CWC27: variants seen among roughly 807,000 people sequenced by gnomAD.
CWC27 encodes the protein spliceosome-associated protein CWC27 homolog.
A neutral mutation model predicts 63.6 loss-of-function variants in CWC27; 47 were observed. That is an observed-to-expected ratio of 0.74 (90% CI 0.58 to 0.94). The LOEUF is 0.94. Among genes scored for constraint, CWC27 ranks in the 40% least tolerant of loss-of-function variants. The probability of loss-of-function intolerance (pLI) is 0.00; values close to 1 mark genes in which losing one functional copy is unlikely to be tolerated. For missense variants in CWC27, 495 were observed against 554.3 expected, an observed-to-expected ratio of 0.89 and a Z score of 1.07; for synonymous variants, 175 against 179.8, an observed-to-expected ratio of 0.97 and a Z score of 0.22.
At chr5:64,877,060 T>C (rs1746810339) in intron 10 of CWC27, among the ~76,000 whole-genome samples, 1 of 152,014 alleles carries the variant, frequency 6.6e-6, no homozygotes, top group African/African-American at 2.4e-5. Context: ...ATCCCTCTAC[T>C]GGATATTATT....
chr5:64,774,447 A>G (rs1314191006), intron 1 of CWC27, among the ~76,000 whole-genome samples: 1 of 152,232 alleles, frequency 6.6e-6, no homozygotes, highest in Non-Finnish European at 1.5e-5. Context: ...ATTAAAAAAG[A>G]TATATGCTAT....
chr5:64,792,837 G>A (rs2112187734), intron 7 of CWC27, among the ~76,000 whole-genome samples: 1 of 152,180 alleles, frequency 6.6e-6, no homozygotes, highest in East Asian at 1.9e-4. Flanking sequence ...CACCCTGTGA[G>A]CTTTGATAAC....
chr5:64,992,570 T>C (rs1749555626), intron 13 of CWC27, among the ~76,000 whole-genome samples: 1 of 151,944 alleles, frequency 6.6e-6, no homozygotes, highest in South Asian at 2.1e-4. Flanking sequence ...ATCGCTCTGT[T>C]GCCCAGGCTG....
chr5:64,980,500 T>C (rs569950185), intron 13 of CWC27, among the ~76,000 whole-genome samples: 2 of 152,346 alleles, frequency 1.3e-5, no homozygotes, highest in South Asian at 2.1e-4. Flanking sequence ...ATTAAATCTA[T>C]GTGAATAGGC....
chr5:64,791,137 T>G (rs1744065981), intron 7 of CWC27, among the ~76,000 whole-genome samples: 1 of 152,044 alleles, frequency 6.6e-6, no homozygotes, highest in Non-Finnish European at 1.5e-5. Flanking sequence ...GATAGTTAGG[T>G]TGAGCAGCCT....
At chr5:64,890,077 A>T (rs958941712) in intron 11 of CWC27, among the ~76,000 whole-genome samples, 3 of 152,238 alleles carry the variant, frequency 2.0e-5, no homozygotes, top group Admixed American at 1.3e-4. Flanking sequence ...AGGTTTGGAC[A>T]TATTCTCTAA....
chr5:64,904,690 T>C (rs1208588333), intron 11 of CWC27, among the ~76,000 whole-genome samples: 1 of 152,176 alleles, frequency 6.6e-6, no homozygotes, highest in Non-Finnish European at 1.5e-5. Flanking sequence ...ATCTTTTGAA[T>C]CCCTTCAAAG....
chr5:64,817,133 C>T (rs187172508), intron 10 of CWC27, among the ~76,000 whole-genome samples: 128 of 152,178 alleles, frequency 8.4e-4, no homozygotes, highest in African/African-American at 3.0e-3. Flanking sequence ...CACTTTGCAC[C>T]AAGCATATTC....
intron 10 of CWC27, among the ~76,000 whole-genome samples, chr5:64,827,516 G>T (rs905078624): frequency 1.3e-5 from 2 of 152,132 alleles, no homozygotes; most frequent in African/African-American, 4.8e-5. Flanking sequence ...AACACATCCA[G>T]GTTGGAATAC....
chr5:64,789,794 T>A (rs1172683185), intron 7 of CWC27, among the ~76,000 whole-genome samples: 1 of 152,168 alleles, frequency 6.6e-6, no homozygotes, highest in Non-Finnish European at 1.5e-5. Flanking sequence ...CCTTTCTTTT[T>A]TGAAAATTAG....
At chr5:64,889,347 T>C (rs1396532698) in intron 11 of CWC27, among the ~76,000 whole-genome samples, 1 of 152,226 alleles carries the variant, frequency 6.6e-6, no homozygotes. Flanking sequence ...ACATTAAAGT[T>C]ATATGGTAAC....
chr5:64,933,780 C>T (rs1748289079), intron 11 of CWC27, among the ~76,000 whole-genome samples: 1 of 152,134 alleles, frequency 6.6e-6, no homozygotes, highest in African/African-American at 2.4e-5. Flanking sequence ...CGTGAGCCAC[C>T]ACGCCTAGCC....
intron 7 of CWC27, among the ~76,000 whole-genome samples, chr5:64,791,126 G>A (rs1176288721): frequency 6.6e-6 from 1 of 152,140 alleles, no homozygotes; most frequent in Admixed American, 6.5e-5. Context: ...ACAGGGTCCT[G>A]GATAGTTAGG....
chr5:64,974,781 C>T (rs78166613), intron 12 of CWC27, among the ~76,000 whole-genome samples: 218 of 152,184 alleles, frequency 1.4e-3, no homozygotes, highest in African/African-American at 4.7e-3. Flanking sequence ...ATATTAACAG[C>T]GGTTATTCTG....
intron 7 of CWC27, among the ~76,000 whole-genome samples, chr5:64,792,982 T>G (rs996043319): frequency 2.6e-5 from 4 of 152,158 alleles, no homozygotes; most frequent in Non-Finnish European, 5.9e-5. Flanking sequence ...GCCAAGTGCC[T>G]TAAAATATAC....
chr5:64,807,749 C>A (rs1416108897), intron 10 of CWC27: 1 of 1,535,816 alleles, frequency 6.5e-7, no homozygotes, highest in East Asian at 2.4e-5. Flanking sequence ...ACAATGTTTA[C>A]TTCACACTTC....
At chr5:64,843,934 C>T (rs780508706) in intron 10 of CWC27, among the ~76,000 whole-genome samples, 8 of 152,008 alleles carry the variant, frequency 5.3e-5, no homozygotes, top group Non-Finnish European at 7.4e-5. Context: ...TCCGCCACCC[C>T]GCAGCCCCGA....
At position 65,018,303 on chromosome 5, in the gene CWC27, G is replaced by C. The variant is rs1238654872; in HGVS notation, c.1401G>C (p.Glu467Asp). ...RREESKKLMR[E>D]KKERR The stretch of plus-strand genomic sequence containing the variant: ...AAGAAAGCAAAAAGCTGATGAGAGA[G>C]AAAAAAGAAAGAAGATAAAATGAGA... The change falls in exon 14 of 14, where the codon GAG becomes GAC. Residue 467 changes from glutamate to aspartate, a missense_variant. By Grantham distance (45) the Glu-to-Asp change is conservative. Around this residue, in one of 3 missense-constraint regions of CWC27, gnomAD observed 20 missense variants for 22.1 expected, o/e 0.91. Coordinates refer to ENST00000381070, the MANE Select transcript of CWC27 (RefSeq NM_005869.4). 1.3e-6 allele frequency: 2 copies of C among 1,590,676 alleles called. No homozygotes were observed. Among genetic ancestry groups the C allele is most frequent in the East Asian group, 2.3e-5 (1 of 44,296 alleles).
At chr5:64,879,727 G>A (rs1746890343) in intron 10 of CWC27, among the ~76,000 whole-genome samples, 2 of 151,630 alleles carry the variant, frequency 1.3e-5, no homozygotes, top group African/African-American at 4.8e-5. Context: ...TTACAAGTCA[G>A]GTATTAAAAT....
Sources: gnomAD v4.1 joint callset for allele counts (sites outside exome capture counted in the v4.1 genomes callset) on GRCh38, gnomAD v4.1.1 for gene constraint, gnomAD v4.1.1 regional missense constraint, MANE v1.5 for transcripts, NCBI Gene and HGNC (gene_info 2026-07-23, HGNC 2026-07-21) for gene names.